Variants in NOMO1 observed in about 807,000 individuals in gnomAD.
NOMO1 encodes the protein NODAL modulator 1.
NOMO1 carries 40 observed loss-of-function variants against 133.8 expected under a neutral mutation model. That is an observed-to-expected ratio of 0.30 (90% confidence interval 0.23 to 0.39). The LOEUF is 0.39. Among genes scored for constraint, NOMO1 ranks in the 10% least tolerant of loss-of-function variants. The pLI, the probability that NOMO1 is intolerant of heterozygous loss-of-function variation, is 1.00. For synonymous variants in NOMO1, 236 were observed against 570.5 expected, an observed-to-expected ratio of 0.41 and a Z score of 8.36; for missense variants, 462 against 1,419.9, an observed-to-expected ratio of 0.33 and a Z score of 10.84.
intron 1 of NOMO1, among the ~76,000 whole-genome samples, chr16:14,836,831 G>A (rs1431112696): frequency 1.3e-4 from 20 of 148,874 alleles, no homozygotes; most frequent in Admixed American, 9.5e-4. Context: ...TCAGCCTCCC[G>A]AGTAGCTGGG....
chr16:14,835,841 TG>T (rs1487629153), intron 1 of NOMO1, among the ~76,000 whole-genome samples: 5 of 152,088 alleles, frequency 3.3e-5, no homozygotes, highest in African/African-American at 9.7e-5. Flanking sequence ...CCATCCTGAG[TG>T]TTTTTACATC....
chr16:14,892,604 A>G (rs566726465), intron 29 of NOMO1, among the ~76,000 whole-genome samples: 1 of 148,702 alleles, frequency 6.7e-6, no homozygotes, highest in South Asian at 2.1e-4. Context: ...AACTTAAAGT[A>G]TAATTAAAAA....
At chr16:14,864,255 C>T (rs1161306545) in intron 12 of NOMO1, among the ~76,000 whole-genome samples, 3 of 150,742 alleles carry the variant, frequency 2.0e-5, no homozygotes, top group South Asian at 2.1e-4. Context: ...ACAAGTGATC[C>T]GAAGCCGGGA....
chr16:14,836,359 G>A (rs1367955901), intron 1 of NOMO1, among the ~76,000 whole-genome samples: 5 of 151,994 alleles, frequency 3.3e-5, no homozygotes, highest in Non-Finnish European at 5.9e-5. Flanking sequence ...TATTTCACAC[G>A]AGTCCTTTCC....
intron 22 of NOMO1, among the ~76,000 whole-genome samples, chr16:14,878,493 C>CA (rs1184163940): frequency 0.039 from 1,505 of 38,912 alleles, 86 homozygotes; most frequent in Non-Finnish European, 0.046. Flanking sequence ...GACCCTGTCT[C>CA]AAAAAAAAAA....
intron 1 of NOMO1, among the ~76,000 whole-genome samples, chr16:14,835,269 A>G (rs1963487813): frequency 6.6e-6 from 1 of 150,568 alleles, no homozygotes; most frequent in Admixed American, 6.6e-5. Context: ...TTCAGACTGA[A>G]GAGGTCAGAG....
intron 4 of NOMO1, among the ~76,000 whole-genome samples, chr16:14,845,097 C>G (rs1410896296): frequency 6.6e-6 from 1 of 151,924 alleles, no homozygotes; most frequent in African/African-American, 2.4e-5. Context: ...TCTTGACTCA[C>G]TGCAGCCTCC....
intron 11 of NOMO1, among the ~76,000 whole-genome samples, chr16:14,859,060 G>A (rs970597857): frequency 6.6e-6 from 1 of 152,006 alleles, no homozygotes; most frequent in African/African-American, 2.4e-5. Flanking sequence ...TTTGGCCGCA[G>A]GTGGCAGCCA....
Position 14,843,721 on chromosome 16 carries a change from G to A in NOMO1, c.302-953G>A, listed in dbSNP as rs932725943. ...CCATTTTTTATTGGAGTCTTTGTGT[G>A]TGTGTGTGTGTGTGTGTGTGTGCAT... On this transcript the variant is annotated intron_variant, in intron 3 of 30. Coordinates refer to ENST00000287667, the MANE Select transcript of NOMO1 (RefSeq NM_014287.4). Among the ~76,000 whole-genome samples, 16 of 143,858 alleles carry A rather than the reference G, an allele frequency of 1.1e-4. 1 individual carries two copies. Among genetic ancestry groups the A allele is most frequent in the African/African-American group, 4.1e-4 (16 of 38,744 alleles). 94.4% of individuals were successfully genotyped at this position (143,858 alleles called of 152,430 possible).
At chr16:14,883,776 G>A (rs1294494025) in intron 26 of NOMO1, among the ~76,000 whole-genome samples, 1 of 151,180 alleles carries the variant, frequency 6.6e-6, no homozygotes, top group Non-Finnish European at 1.5e-5. Flanking sequence ...GGCCGGGCAG[G>A]TATGAAAGGG....
intron 26 of NOMO1, among the ~76,000 whole-genome samples, chr16:14,883,835 C>T (rs933086283): frequency 2.7e-5 from 4 of 150,808 alleles, no homozygotes; most frequent in Admixed American, 1.3e-4. Context: ...ACAGACCTCA[C>T]GCAGAGGGGG....
rs1020150532 is a variant in NOMO1, at chr16:14,881,484, A to G, written c.2886-60A>G. The G allele has an allele frequency of 4.4e-6, 7 of 1,607,092 alleles. No homozygotes were observed. In the African/African-American group the frequency reaches 9.4e-5, roughly 22 times the overall value. The stretch of plus-strand genomic sequence containing the variant: ...CCATAATTGTTGGTAAACGGGAAAC[A>G]CTTGGGTCCTTCAGATAACCATGAG... On this transcript the variant is annotated intron_variant, in intron 24 of 30. Coordinates refer to ENST00000287667, the MANE Select transcript of NOMO1 (RefSeq NM_014287.4).
In NOMO1 at chr16:14,886,642, T is replaced by C. The variant is rs558527144; in HGVS notation, c.3223-119T>C. The C allele has an allele frequency of 9.8e-6, 15 of 1,536,514 alleles. No individual in the cohort carries two copies. In the African/African-American group the frequency reaches 1.5e-4, roughly 15 times the overall value. ...ATGTCTATGGAGGGAGCTTTCTTTT[T>C]CAAATATCCATGTTTCCAAAGACAC... On this transcript the variant is annotated intron_variant, in intron 27 of 30. Transcript: ENST00000287667.
intron 29 of NOMO1, among the ~76,000 whole-genome samples, chr16:14,891,436 A>T (rs1217685781): frequency 2.0e-5 from 3 of 151,816 alleles, no homozygotes; most frequent in Non-Finnish European, 4.4e-5. Flanking sequence ...CTTTATTTCT[A>T]TGTTAAATGT....
chr16:14,884,098 A>G lies in NOMO1; in HGVS notation c.3112-274A>G, dbSNP rs1003389969. The stretch of plus-strand genomic sequence containing the variant: ...AAGAGAAGCTGGAAAATCTGGCTTC[A>G]TATATGAAATTTCCTAATTTTTAAC... On this transcript the variant is annotated intron_variant, in intron 26 of 30. Transcript: ENST00000287667. Among the ~76,000 whole-genome samples, 6 of 150,756 alleles carry G rather than the reference A, an allele frequency of 4.0e-5. No homozygotes were observed. In the East Asian group the frequency reaches 1.2e-3, roughly 29 times the overall value.
chr16:14,842,608 C>T (rs977028460), intron 3 of NOMO1, among the ~76,000 whole-genome samples: 5 of 151,982 alleles, frequency 3.3e-5, no homozygotes, highest in Non-Finnish European at 7.4e-5. Flanking sequence ...TGAACACACC[C>T]ATGTATCCAC....
At chr16:14,867,161 TATATATATATATA>T (rs1964010096) in intron 15 of NOMO1, among the ~76,000 whole-genome samples, 4 of 22,420 alleles carry the variant, frequency 1.8e-4, no homozygotes, top group Non-Finnish European at 3.7e-4. Context: ...TATATATATA[TATATATATATATA>T]TATTTTTTTT....
rs191167938 is a variant in NOMO1 at position 14,850,864 on chromosome 16, T to C, written c.583-1566T>C. On this transcript the variant is annotated intron_variant, in intron 6 of 30. Transcript: ENST00000287667. ...TGGGAGGCTGAGGTGGGTGGATCAC[T>C]TGAGGTCAGGAGTTTGAGACCAACC... is the stretch of plus-strand genomic sequence containing the variant. Among the ~76,000 whole-genome samples the C allele has an allele frequency of 4.6e-3, 697 of 151,790 alleles. 4 individuals are homozygous for C. Among genetic ancestry groups the C allele is most frequent in the Middle Eastern group, 0.01 (3 of 292 alleles).
In NOMO1 at chr16:14,884,563, T is replaced by C; in HGVS notation, c.3222+81T>C. The C allele has an allele frequency of 2.5e-6, 4 of 1,604,544 alleles. No individual in the cohort carries two copies. The South Asian group carries it at 4.4e-5, about 18-fold the overall frequency. On this transcript the variant is annotated intron_variant, in intron 27 of 30. Coordinates refer to ENST00000287667, the MANE Select transcript of NOMO1 (RefSeq NM_014287.4). ...TACGAATGGGATGTTTTTGGGTTTG[T>C]GCCTGTCTCGTGCCTTAGGTGTGAC... is the stretch of plus-strand genomic sequence containing the variant.
Sources: allele counts gnomAD v4.1 joint callset (sites outside exome capture counted in the v4.1 genomes callset), GRCh38; gene constraint gnomAD v4.1.1; transcripts MANE v1.5; gene names NCBI Gene and HGNC (gene_info 2026-07-23, HGNC 2026-07-21).